The following EPRS1 variants were observed in gnomAD, a reference collection of about 807,000 sequenced individuals.
EPRS1 encodes glutamyl-prolyl-tRNA synthetase 1.
In EPRS1, 107 loss-of-function variants were observed where a neutral mutation model predicts 188.3. The ratio of observed to expected loss-of-function variants is 0.57; its 90% CI spans 0.49 to 0.67. EPRS1 has a LOEUF of 0.67. Ranked by LOEUF, EPRS1 falls within the 30% of genes least tolerant of loss-of-function variation. The probability of loss-of-function intolerance (pLI) is 0.00; values close to 1 mark genes in which losing one functional copy is unlikely to be tolerated. For missense variants in EPRS1, 1,577 were observed against 1,802.2 expected (o/e 0.88, Z 2.26); for synonymous variants, 596 against 593.1 (o/e 1.00, Z -0.07).
At chr1:219,977,026 T>C (rs1195617660) in intron 28 of EPRS1, among the ~76,000 whole-genome samples, 1 of 152,118 alleles carries the variant, frequency 6.6e-6, no homozygotes, top group Non-Finnish European at 1.5e-5. Context: ...GGCCTCACAA[T>C]CAAACAATAT....
At chr1:219,973,530 A>AT (rs1660710770) in intron 28 of EPRS1, 132 bp from the exon 29 acceptor site, 105 of 360,246 alleles carry the variant, frequency 2.9e-4, no homozygotes, top group Non-Finnish European at 3.2e-4. Flanking sequence ...AAAAAACAAG[A>AT]GAAAAAAAAA....
chr1:220,032,039 T>C (rs1348608007), intron 5 of EPRS1, among the ~76,000 whole-genome samples: 1 of 152,026 alleles, frequency 6.6e-6, no homozygotes, highest in African/African-American at 2.4e-5. Flanking sequence ...TAGGAATAAT[T>C]GTCTTTTCAG....
intron 6 of EPRS1, among the ~76,000 whole-genome samples, chr1:220,027,164 T>A (rs1661991190): frequency 6.6e-6 from 1 of 150,638 alleles, no homozygotes; most frequent in East Asian, 2.0e-4. Flanking sequence ...GTGGCTCACG[T>A]CTGTAATCCC....
intron 12 of EPRS1, chr1:220,018,058 C>T: frequency 1.1e-6 from 1 of 890,160 alleles, no homozygotes; most frequent in Non-Finnish European, 1.6e-6. Context: ...AGCCATATAA[C>T]ATCTCAGGTT....
Position 220,033,619 on chromosome 1 carries a change from A to G in EPRS1, c.271T>C (p.Ser91Pro), listed in dbSNP as rs1375651582. 6.2e-7 allele frequency: 1 copy of G among 1,609,710 alleles called. No homozygotes were observed. The highest frequency in any genetic ancestry group is 2.2e-5 in the East Asian group (1 of 44,786). Residue 91 changes from serine (S) to proline (P), a missense_variant, in exon 4 of 32, where the codon TCA (serine) becomes CCA (proline). Physicochemically the swap from Ser to Pro is moderately conservative, Grantham distance 74. Around this residue, in one of 3 missense-constraint regions of EPRS1, gnomAD observed 1,278 missense variants for 1,457.4 expected, o/e 0.88. Transcript: ENST00000366923. ...WLEFSATKLS[S>P]CDSFTSTINE... is the part of the protein sequence containing the mutation. ...ATTGTAGAAGTAAAGGAATCACATG[A>G]AGATAATTTTGTAGCACTGAACTCC... is the stretch of plus-strand genomic sequence containing the variant.
chr1:220,025,107 G>A, intron 7 of EPRS1, 25 bp downstream of exon 7: 1 of 1,606,624 alleles, frequency 6.2e-7, no homozygotes. Flanking sequence ...TTCTGGCAAA[G>A]GGTCATCACT....
chr1:220,001,018 A>G, intron 17 of EPRS1, 120 bp downstream of exon 17: 1 of 699,886 alleles, frequency 1.4e-6, no homozygotes, highest in South Asian at 1.7e-5. Flanking sequence ...AAAGAGCAAG[A>G]CTTAACTGTC....
chr1:220,002,278 G>C (rs774792888), intron 16 of EPRS1, among the ~76,000 whole-genome samples: 19 of 151,754 alleles, frequency 1.3e-4, no homozygotes, highest in Non-Finnish European at 2.5e-4. Context: ...ATTGCAATGA[G>C]CTGAGACTGC....
At chr1:219,978,792 A>G in intron 27 of EPRS1, 73 bp from the exon 28 acceptor site, 1 of 1,097,816 alleles carries the variant, frequency 9.1e-7, no homozygotes, top group East Asian at 2.6e-5. Context: ...AGAAGTCGAA[A>G]CCTACCAGTG....
intron 12 of EPRS1, among the ~76,000 whole-genome samples, chr1:220,016,173 G>A (rs1363775129): frequency 2.6e-5 from 4 of 151,968 alleles, no homozygotes; most frequent in African/African-American, 4.8e-5. Flanking sequence ...GCAAAACCCC[G>A]TCTCCACTAA....
At chr1:219,985,650 C>T (rs1024119491) in intron 20 of EPRS1, among the ~76,000 whole-genome samples, 3 of 152,120 alleles carry the variant, frequency 2.0e-5, no homozygotes, top group South Asian at 2.1e-4. Flanking sequence ...AGCGATCCAC[C>T]CATCCCAGCC....
chr1:219,968,833 G>A lies in EPRS1; in HGVS notation c.4512C>T (p.Tyr1504=), dbSNP rs1193317221. 1.9e-6 allele frequency: 3 copies of A among 1,614,064 alleles called. No homozygotes were observed. The highest frequency in any genetic ancestry group is 2.7e-5 in the African/African-American group (2 of 74,928). The change falls in exon 32 of 32, where the codon TAC becomes TAT. Residue 1504 remains tyrosine, a synonymous_variant. Coordinates refer to ENST00000366923, the MANE Select transcript of EPRS1 (RefSeq NM_004446.3). ...AGTAGCTGCGACCAAATAAGGTGTAGTACTTGGCAGGGTTCTTGCCACAGA... is the reference window on the plus strand; with the variant it reads ...AGTAGCTGCGACCAAATAAGGTGTAATACTTGGCAGGGTTCTTGCCACAGA... ...KCVCGKNPAK[Y]YTLFGRSY
At chr1:220,008,451 T>C (rs140111330) in intron 13 of EPRS1, among the ~76,000 whole-genome samples, 9 of 152,204 alleles carry the variant, frequency 5.9e-5, no homozygotes, top group African/African-American at 1.9e-4. Flanking sequence ...AACCAGCATG[T>C]GTTTAACAAC....
At chr1:220,024,544 T>A in intron 7 of EPRS1, 88 bp from the exon 8 acceptor site, 1 of 805,840 alleles carries the variant, frequency 1.2e-6, no homozygotes, top group Non-Finnish European at 2.0e-6. Flanking sequence ...TAAGCAAATG[T>A]AACATAGACC....
intron 4 of EPRS1, 139 bp from the exon 5 acceptor site, chr1:220,032,665 A>T (rs1047186146): frequency 4.9e-6 from 4 of 813,044 alleles, no homozygotes; most frequent in Non-Finnish European, 7.9e-6. Context: ...ATCTGGATAT[A>T]CACTGAACTG....
chr1:220,004,420 C>T (rs75485764), intron 16 of EPRS1, among the ~76,000 whole-genome samples: 5,544 of 151,954 alleles, frequency 0.036, 305 homozygotes, highest in African/African-American at 0.13. Context: ...GAAAACTGAA[C>T]AGAAAAAGGA....
intron 6 of EPRS1, among the ~76,000 whole-genome samples, chr1:220,029,083 A>T (rs998687728): frequency 6.6e-6 from 1 of 152,176 alleles, no homozygotes; most frequent in African/African-American, 2.4e-5. Context: ...CAAATGTTCA[A>T]GTGGCGCAGC....
chr1:219,980,979 A>G, intron 24 of EPRS1, 122 bp from the exon 25 acceptor site: 2 of 628,138 alleles, frequency 3.2e-6, no homozygotes, highest in Non-Finnish European at 5.7e-6. Flanking sequence ...GACTCACTGA[A>G]ACCTCTGCCT....
intron 4 of EPRS1, 24 bp from the exon 5 acceptor site, chr1:220,032,550 C>T (rs1190957896): frequency 1.2e-6 from 2 of 1,610,804 alleles, no homozygotes; most frequent in Non-Finnish European, 8.5e-7. Flanking sequence ...TAATTTTAAA[C>T]TATTCAATAA....
Sources: allele counts gnomAD v4.1 joint callset (sites outside exome capture counted in the v4.1 genomes callset), GRCh38; gene constraint gnomAD v4.1.1; regional missense constraint gnomAD v4.1.1; transcripts MANE v1.5; gene names NCBI Gene and HGNC (gene_info 2026-07-23, HGNC 2026-07-21).